Variants in CDH22 observed in about 807,000 individuals in gnomAD.
CDH22 encodes the protein cadherin 22.
Under a neutral mutation model 58.4 loss-of-function variants are expected in CDH22, and 30 were observed. That is an observed-to-expected ratio of 0.51 (90% CI 0.38 to 0.70). The LOEUF (loss-of-function observed/expected upper bound fraction) is 0.70. Among genes scored for constraint, CDH22 ranks in the 30% least tolerant of loss-of-function variants. CDH22 has a pLI of 0.00. For synonymous variants in CDH22, 513 were observed against 558.2 expected (o/e 0.92, Z 1.14); for missense variants, 1,014 against 1,233.9 (o/e 0.82, Z 2.67).
At position 46,199,568 on chromosome 20, in the gene CDH22, G is replaced by C; in HGVS notation, c.1287-9C>G. 6.2e-7 allele frequency: 1 copy of C among 1,612,236 alleles called. No individual in the cohort carries two copies. Among genetic ancestry groups the C allele is most frequent in the Middle Eastern group, 1.7e-4 (1 of 6,058 alleles). On this transcript the variant is annotated splice_polypyrimidine_tract_variant and intron_variant, in intron 7 of 11. Transcript: ENST00000537909. ...CGCGGTCAATGGCGTACCTGCGGGG[G>C]GCAGGGCAGGGCTGATTGAAGGTGC...
intron 11 of CDH22, among the ~76,000 whole-genome samples, chr20:46,175,638 C>T (rs1322872582): frequency 3.9e-5 from 6 of 152,182 alleles, no homozygotes; most frequent in African/African-American, 1.2e-4. Context: ...TGCAAGATTC[C>T]CCAGGACGGG....
chr20:46,175,254 G>A (rs1479905556), intron 11 of CDH22, among the ~76,000 whole-genome samples, 177 bp from the exon 12 acceptor site: 1 of 152,208 alleles, frequency 6.6e-6, no homozygotes, highest in Non-Finnish European at 1.5e-5. Flanking sequence ...ACTGAGCTGA[G>A]TGTCTGGAGA....
At chr20:46,193,876 A>AGGTGCT (rs1277490792) in intron 8 of CDH22, among the ~76,000 whole-genome samples, 1 of 152,140 alleles carries the variant, frequency 6.6e-6, no homozygotes, top group African/African-American at 2.4e-5. Flanking sequence ...CCTCTTGGCC[A>AGGTGCT]GGTGCTGGTG....
rs1450057165 is a variant in CDH22, at chr20:46,174,398, G to A, written c.*108C>T. ...CCCCCTCCGTCCAGCCGCCAAGGGAGGGTTGGGGGAGGGCAGGAAAGGGGG... is the reference window on the plus strand; with the variant it reads ...CCCCCTCCGTCCAGCCGCCAAGGGAAGGTTGGGGGAGGGCAGGAAAGGGGG... On this transcript the variant is annotated 3_prime_UTR_variant, in exon 12 of 12. Transcript: ENST00000537909. The surrounding 1 kb of genome is among the most constrained non-coding windows in gnomAD (Gnocchi z 4.4). 6 of 738,030 alleles carry A rather than the reference G, an allele frequency of 8.1e-6. No individual in the cohort carries two copies. The highest frequency in any genetic ancestry group is 1.9e-5 in the African/African-American group (1 of 52,708). The allele number at this position is 738,030 out of a possible 1,614,324, so 45.7% of individuals were successfully genotyped here.
At chr20:46,179,682 GCTT>G (rs2085770493) in intron 10 of CDH22, among the ~76,000 whole-genome samples, 3 of 152,336 alleles carry the variant, frequency 2.0e-5, no homozygotes, top group Non-Finnish European at 1.5e-5. Flanking sequence ...AACCCACTGA[GCTT>G]CTCTAAGCTT....
At chr20:46,284,608 A>T (rs529036457) in intron 1 of CDH22, among the ~76,000 whole-genome samples, 1 of 152,092 alleles carries the variant, frequency 6.6e-6, no homozygotes, top group Non-Finnish European at 1.5e-5. Flanking sequence ...GTTGTTTTCA[A>T]CTGTCACCTG....
intron 1 of CDH22, among the ~76,000 whole-genome samples, chr20:46,286,985 A>G (rs2086579535): frequency 6.6e-6 from 1 of 152,092 alleles, no homozygotes; most frequent in African/African-American, 2.4e-5. Context: ...CATCCATTCA[A>G]TCAATCATCC....
intron 1 of CDH22, among the ~76,000 whole-genome samples, chr20:46,263,340 T>C (rs906112790): frequency 1.1e-4 from 17 of 152,168 alleles, no homozygotes; most frequent in Non-Finnish European, 2.2e-4. Flanking sequence ...GCACCTACTA[T>C]GTGCCAGGCT....
intron 8 of CDH22, among the ~76,000 whole-genome samples, chr20:46,192,240 C>G (rs66923292): frequency 0.36 from 54,949 of 152,096 alleles, 11,382 homozygotes; most frequent in Non-Finnish European, 0.46. Context: ...AAAGATGTGT[C>G]AAATGAATGG....
chr20:46,284,709 T>C (rs1175466763), intron 1 of CDH22, among the ~76,000 whole-genome samples: 1 of 152,190 alleles, frequency 6.6e-6, no homozygotes, highest in Non-Finnish European at 1.5e-5. Context: ...GGGCTGTAGA[T>C]TCCCATCTGA....
At chr20:46,215,171 T>A (rs1419985247) in intron 5 of CDH22, among the ~76,000 whole-genome samples, 3 of 152,158 alleles carry the variant, frequency 2.0e-5, no homozygotes, top group African/African-American at 7.2e-5. Context: ...TCTGTATCCA[T>A]AGAGAACAAG....
At chr20:46,180,700 G>T (rs377075276) in intron 10 of CDH22, among the ~76,000 whole-genome samples, 28 of 152,200 alleles carry the variant, frequency 1.8e-4, no homozygotes, top group African/African-American at 6.3e-4. Context: ...AATTTTTCCA[G>T]TGAAAGCATT....
intron 2 of CDH22, among the ~76,000 whole-genome samples, chr20:46,244,659 C>T (rs2086315710): frequency 6.6e-6 from 1 of 152,200 alleles, no homozygotes; most frequent in South Asian, 2.1e-4. Flanking sequence ...AGTTTGGTTT[C>T]TCTGCAGTCT....
chr20:46,214,016 T>C (rs921942541), intron 5 of CDH22, among the ~76,000 whole-genome samples: 2 of 151,994 alleles, frequency 1.3e-5, no homozygotes, highest in Non-Finnish European at 2.9e-5. Context: ...AATAGGCTGA[T>C]CTAGAAAGGC....
At chr20:46,288,493 T>A (rs544778146) in intron 1 of CDH22, among the ~76,000 whole-genome samples, 2 of 152,306 alleles carry the variant, frequency 1.3e-5, no homozygotes, top group Non-Finnish European at 2.9e-5. Context: ...TGTGTCCAAC[T>A]CAGATGTCTG....
At chr20:46,198,332 A>ACG (rs1491578478) in intron 8 of CDH22, among the ~76,000 whole-genome samples, 1 of 135,054 alleles carries the variant, frequency 7.4e-6, no homozygotes, top group Non-Finnish European at 1.6e-5. Flanking sequence ...ACACACACAC[A>ACG]TATTCTTCCA....
chr20:46,250,969 G>A (rs2086367685), intron 2 of CDH22, 71 bp downstream of exon 2: 1 of 918,172 alleles, frequency 1.1e-6, no homozygotes. Flanking sequence ...GGTGAACAAG[G>A]GTTTCTTGTA....
At chr20:46,286,096 T>C (rs533416260) in intron 1 of CDH22, among the ~76,000 whole-genome samples, 1 of 152,306 alleles carries the variant, frequency 6.6e-6, no homozygotes, top group African/African-American at 2.4e-5. Context: ...AGAGTTTTTC[T>C]ACAAGGAAAA....
At position 46,174,727 on chromosome 20, in the gene CDH22, C is replaced by T. The variant is rs2085723657; in HGVS notation, c.2266G>A (p.Ala756Thr). Residue 756 changes from alanine (A) to threonine (T), a missense_variant, in exon 12 of 12, where the codon GCA (alanine) becomes ACA (threonine). This residue lies in a region of CDH22 where 208 missense variants were observed against 195.2 expected (regional missense o/e 1.07). Coordinates refer to ENST00000537909, the MANE Select transcript of CDH22 (RefSeq NM_021248.3). This position sits in a 1 kb window ranked among gnomAD's most constrained non-coding sequence, Gnocchi z 4.4. ...VFRDFISRKV[A>T]LADGDLSVPP... is the part of the protein sequence containing the mutation. ...ACCGACAGGTCCCCGTCCGCCAGTG[C>T]CACCTTGCGGCTGATGAAGTCCCTG... 6.4e-7 allele frequency: 1 copy of T among 1,555,150 alleles called. No individual in the cohort carries two copies. The highest frequency in any genetic ancestry group is 8.6e-7 in the Non-Finnish European group (1 of 1,158,028).
Sources: allele counts gnomAD v4.1 joint callset (sites outside exome capture counted in the v4.1 genomes callset), GRCh38; gene constraint gnomAD v4.1.1; regional missense constraint gnomAD v4.1.1; non-coding constraint Gnocchi (gnomAD v3.1); transcripts MANE v1.5; gene names NCBI Gene and HGNC (gene_info 2026-07-23, HGNC 2026-07-21).